BRD10: variants seen among roughly 807,000 people sequenced by gnomAD.
The protein encoded by BRD10 is bromodomain containing 10.
the BRD10 span, chr9:5,906,869 T>C: frequency 1.3e-6 from 2 of 1,510,808 alleles, no homozygotes; most frequent in Admixed American, 2.2e-5. Flanking sequence ...CTCACCTTTA[T>C]CAATTTACAT....
At chr9:5,979,257 T>C in the BRD10 span, among the ~76,000 whole-genome samples, 1 of 152,204 alleles carries the variant, frequency 6.6e-6, no homozygotes, top group African/African-American at 2.4e-5. Flanking sequence ...CTCATGCCTG[T>C]AATCCCAACA....
the BRD10 span, among the ~76,000 whole-genome samples, chr9:5,888,285 T>A: frequency 1.5e-4 from 23 of 152,234 alleles, no homozygotes; most frequent in South Asian, 4.1e-4. Context: ...GAATCAGCTC[T>A]GGGGTCAATT....
the BRD10 span, among the ~76,000 whole-genome samples, chr9:5,937,492 G>C: frequency 6.6e-6 from 1 of 152,234 alleles, no homozygotes; most frequent in South Asian, 2.1e-4. Flanking sequence ...CCGAGATCAT[G>C]CCACTGCACT....
chr9:5,928,169 T>A, the BRD10 span, among the ~76,000 whole-genome samples: 2 of 152,128 alleles, frequency 1.3e-5, no homozygotes, highest in African/African-American at 4.8e-5. Context: ...TCTCTCATAC[T>A]CCACATATCC....
chr9:5,920,896 G>A, the BRD10 span: 1 of 1,613,936 alleles, frequency 6.2e-7, no homozygotes, highest in Non-Finnish European at 8.5e-7. Context: ...GACTTGATGA[G>A]CAAAGTCTAT....
At chr9:5,937,450 G>A in the BRD10 span, among the ~76,000 whole-genome samples, 9 of 150,872 alleles carry the variant, frequency 6.0e-5, no homozygotes, top group African/African-American at 9.8e-5. Context: ...CAGGAGAATC[G>A]CTTGAACCTG....
the BRD10 span, chr9:5,988,613 C>T: frequency 6.1e-6 from 7 of 1,154,026 alleles, no homozygotes; most frequent in South Asian, 1.3e-5. Context: ...CCTTAGCCAG[C>T]AACTTAAGAA....
the BRD10 span, among the ~76,000 whole-genome samples, chr9:5,915,879 G>C: frequency 6.6e-6 from 1 of 152,144 alleles, no homozygotes; most frequent in African/African-American, 2.4e-5. Context: ...GAATTTGTTT[G>C]ATAATTACTT....
the BRD10 span, among the ~76,000 whole-genome samples, chr9:5,943,382 G>A: frequency 1.3e-5 from 2 of 152,052 alleles, no homozygotes; most frequent in Admixed American, 1.3e-4. Flanking sequence ...ATGTTTAACT[G>A]TAGCATAAAA....
the BRD10 span, among the ~76,000 whole-genome samples, chr9:5,984,629 T>C: frequency 2.6e-5 from 4 of 152,216 alleles, no homozygotes; most frequent in East Asian, 7.7e-4. Flanking sequence ...AAGAAAAACC[T>C]GACAAAACTC....
the BRD10 span, among the ~76,000 whole-genome samples, chr9:5,950,669 T>G: frequency 3.9e-5 from 6 of 152,178 alleles, no homozygotes; most frequent in African/African-American, 1.4e-4. Flanking sequence ...TAGGAAAAAG[T>G]GGCACACATT....
chr9:5,928,510 C>T, the BRD10 span, among the ~76,000 whole-genome samples: 1 of 152,202 alleles, frequency 6.6e-6, no homozygotes, highest in East Asian at 1.9e-4. Flanking sequence ...TGACTCTTGC[C>T]TGTTACCACA....
chr9:5,927,984 A>C, the BRD10 span, among the ~76,000 whole-genome samples: 16 of 152,304 alleles, frequency 1.1e-4, no homozygotes, highest in African/African-American at 3.8e-4. Flanking sequence ...CAATAACACC[A>C]ATTATATGTC....
the BRD10 span, among the ~76,000 whole-genome samples, chr9:5,893,846 G>A: frequency 3.3e-5 from 5 of 152,252 alleles, no homozygotes; most frequent in East Asian, 9.7e-4. Context: ...AGGAGGTGAA[G>A]GAGAGGCTAG....
chr9:5,880,744 G>A, the BRD10 span, among the ~76,000 whole-genome samples: 15 of 140,242 alleles, frequency 1.1e-4, 1 homozygote, highest in East Asian at 2.1e-3. Flanking sequence ...TCGCTCTGTC[G>A]CCCAGGCTGG....
chr9:5,979,353 A>C, the BRD10 span, among the ~76,000 whole-genome samples: 1 of 152,190 alleles, frequency 6.6e-6, no homozygotes, highest in Admixed American at 6.5e-5. Context: ...GTCTTTACGA[A>C]AAATGTAAAA....
At chr9:5,976,560 T>C in the BRD10 span, among the ~76,000 whole-genome samples, 1 of 152,186 alleles carries the variant, frequency 6.6e-6, no homozygotes, top group African/African-American at 2.4e-5. Flanking sequence ...TAAAATCACT[T>C]ATTAGTTATA....
At chr9:5,928,405 G>C in the BRD10 span, among the ~76,000 whole-genome samples, 1 of 152,172 alleles carries the variant, frequency 6.6e-6, no homozygotes, top group South Asian at 2.1e-4. Flanking sequence ...TCCCTTCCCT[G>C]CTTAAAACCC....
the BRD10 span, among the ~76,000 whole-genome samples, chr9:5,981,688 C>A: frequency 6.6e-6 from 1 of 152,144 alleles, no homozygotes; most frequent in Non-Finnish European, 1.5e-5. Context: ...AAGGGAGACA[C>A]AAGAATGTTT....
Sources: allele counts gnomAD v4.1 joint callset (sites outside exome capture counted in the v4.1 genomes callset), GRCh38; gene constraint gnomAD v4.1.1; transcripts MANE v1.5; gene names NCBI Gene and HGNC (gene_info 2026-07-23, HGNC 2026-07-21).